Variants in PSTPIP2 observed in about 807,000 individuals in gnomAD.
PSTPIP2 encodes the protein proline-serine-threonine phosphatase-interacting protein 2.
PSTPIP2 carries 33 observed loss-of-function variants against 63.3 expected under a neutral mutation model. The observed-to-expected ratio is 0.52, with a 90% CI of 0.40 to 0.70. The LOEUF is 0.70. PSTPIP2 is among the 30% of genes least tolerant of loss of function. The pLI is 0.00. For synonymous variants in PSTPIP2, 125 were observed against 132.7 expected (o/e 0.94, Z 0.40); for missense variants, 312 against 400.7 (o/e 0.78, Z 1.89).
At position 46,014,031 on chromosome 18, in the gene PSTPIP2, C is replaced by CTT. The variant is rs61657655; in HGVS notation, c.247+1870_247+1871dup. 8.8e-5 allele frequency among the ~76,000 whole-genome samples: 13 copies of CTT among 147,110 alleles called. No homozygotes were observed. The East Asian group carries it at 2.0e-3, about 23-fold the overall frequency. On this transcript the variant is annotated intron_variant, in intron 4 of 14. Coordinates refer to ENST00000409746, the MANE Select transcript of PSTPIP2 (RefSeq NM_024430.4). ...TGAAGGAGAGGAGTAAAGAAGGGAT[C>CTT]TTTTTTTTTTTTAAACAGTCTTACT...
intron 4 of PSTPIP2, among the ~76,000 whole-genome samples, chr18:46,013,566 A>T (rs2051823117): frequency 6.6e-6 from 1 of 151,818 alleles, no homozygotes; most frequent in Admixed American, 6.6e-5. Context: ...GCTTGTCATC[A>T]CATTAGAATA....
chr18:45,993,996 A>C (rs1056912615), intron 9 of PSTPIP2: 8 of 374,232 alleles, frequency 2.1e-5, no homozygotes, highest in Non-Finnish European at 4.1e-5. Flanking sequence ...ATTTCCAACT[A>C]TCTAACATCA....
At chr18:46,065,377 C>T (rs796195309) in intron 1 of PSTPIP2, among the ~76,000 whole-genome samples, 4 of 151,854 alleles carry the variant, frequency 2.6e-5, no homozygotes, top group East Asian at 2.0e-4. Flanking sequence ...CTGCAAACTC[C>T]GCCTCCTGGG....
chr18:46,040,222 T>C (rs562989163), intron 1 of PSTPIP2, 175 bp from the exon 2 acceptor site: 37 of 483,286 alleles, frequency 7.7e-5, no homozygotes, highest in African/African-American at 7.1e-4. Context: ...ACCCTGGAGA[T>C]GAAAGAACAT....
chr18:46,067,387 C>T (rs1365866623), intron 1 of PSTPIP2, among the ~76,000 whole-genome samples: 1 of 151,540 alleles, frequency 6.6e-6, no homozygotes, highest in Non-Finnish European at 1.5e-5. Flanking sequence ...CCTGTAGTCC[C>T]AGCTACTCAG....
chr18:45,985,615 C>T (rs555309186), intron 14 of PSTPIP2, among the ~76,000 whole-genome samples, 165 bp from the exon 15 acceptor site: 1 of 152,244 alleles, frequency 6.6e-6, no homozygotes, highest in East Asian at 1.9e-4. Flanking sequence ...ACGATAACAG[C>T]ATTGCTTTAT....
At position 46,033,930 on chromosome 18, in the gene PSTPIP2, A is replaced by G. The variant is rs1020595842; in HGVS notation, c.134+6017T>C. On this transcript the variant is annotated intron_variant, in intron 2 of 14. Coordinates refer to ENST00000409746, the MANE Select transcript of PSTPIP2 (RefSeq NM_024430.4). ...CTGGCCTATGGACTTGTGAGAGAAT[A>G]AATTCTGTTATTTAAAGCCATTCAG... 3.9e-5 allele frequency among the ~76,000 whole-genome samples: 6 copies of G among 152,170 alleles called. No individual in the cohort carries two copies. In the East Asian group the frequency reaches 1.2e-3, roughly 29 times the overall value.
At chr18:46,028,163 A>G in intron 2 of PSTPIP2, 1 of 327,790 alleles carries the variant, frequency 3.1e-6, no homozygotes, top group Non-Finnish European at 6.1e-6. Flanking sequence ...AGTGTCTCAA[A>G]AAGAAAAGAG....
chr18:46,003,648 A>G (rs1194756844), intron 6 of PSTPIP2, among the ~76,000 whole-genome samples: 1 of 151,388 alleles, frequency 6.6e-6, no homozygotes, highest in Admixed American at 6.6e-5. Context: ...TTTGGCACTC[A>G]GTCTGTGATA....
intron 14 of PSTPIP2, among the ~76,000 whole-genome samples, chr18:45,987,731 G>T (rs1468944704): frequency 2.0e-5 from 3 of 151,984 alleles, no homozygotes; most frequent in Non-Finnish European, 4.4e-5. Context: ...TTTATGAAGA[G>T]TTTTTTTTAG....
At chr18:45,992,494 G>A (rs2051546987) in intron 10 of PSTPIP2, among the ~76,000 whole-genome samples, 1 of 151,474 alleles carries the variant, frequency 6.6e-6, no homozygotes. Context: ...CCCAGGAGGT[G>A]GAGATTGCAG....
At chr18:46,027,580 C>G (rs1027912750) in intron 2 of PSTPIP2, among the ~76,000 whole-genome samples, 1 of 151,930 alleles carries the variant, frequency 6.6e-6, no homozygotes, top group Non-Finnish European at 1.5e-5. Flanking sequence ...GTCCCTGCTA[C>G]TCAGGAGGCG....
At chr18:45,991,851 CAAT>C in intron 12 of PSTPIP2, 48 bp downstream of exon 12, 1 of 1,475,498 alleles carries the variant, frequency 6.8e-7, no homozygotes, top group Non-Finnish European at 9.4e-7. Context: ...TTCATGATAA[CAAT>C]GTTTGTTAAA....
chr18:46,006,356 GGTA>G (rs2051725229), intron 5 of PSTPIP2, among the ~76,000 whole-genome samples: 4 of 77,424 alleles, frequency 5.2e-5, no homozygotes, highest in African/African-American at 2.0e-4. Flanking sequence ...GCCCAGCCCT[GGTA>G]CTTTTTTTTT....
chr18:46,059,464 G>C (rs746784115), intron 1 of PSTPIP2, among the ~76,000 whole-genome samples: 1 of 152,036 alleles, frequency 6.6e-6, no homozygotes, highest in Non-Finnish European at 1.5e-5. Flanking sequence ...GGCCAGGCTG[G>C]TCTGGAACTC....
intron 1 of PSTPIP2, among the ~76,000 whole-genome samples, chr18:46,057,606 A>G (rs1033747487): frequency 6.6e-6 from 1 of 152,116 alleles, no homozygotes; most frequent in African/African-American, 2.4e-5. Context: ...CTGGGATTAC[A>G]GGCGTGCCCC....
intron 13 of PSTPIP2, 59 bp downstream of exon 13, chr18:45,990,663 C>T: frequency 2.1e-6 from 3 of 1,454,706 alleles, no homozygotes; most frequent in Non-Finnish European, 2.9e-6. Context: ...CTCCTGACCT[C>T]AAGTGATCTG....
At chr18:46,030,362 A>G (rs78851876) in intron 2 of PSTPIP2, among the ~76,000 whole-genome samples, 1 of 148,660 alleles carries the variant, frequency 6.7e-6, no homozygotes, top group Non-Finnish European at 1.5e-5. Context: ...CTTTTGTTTG[A>G]AAAAAAAAAG....
At chr18:45,993,838 C>T (rs917516149) in intron 9 of PSTPIP2, 135 bp from the exon 10 acceptor site, 1 of 719,526 alleles carries the variant, frequency 1.4e-6, no homozygotes, top group Non-Finnish European at 2.4e-6. Flanking sequence ...GCTTCTCCCC[C>T]ACCACTGAGG....
Sources: gnomAD v4.1 joint callset for allele counts (sites outside exome capture counted in the v4.1 genomes callset) on GRCh38, gnomAD v4.1.1 for gene constraint, MANE v1.5 for transcripts, NCBI Gene and HGNC (gene_info 2026-07-23, HGNC 2026-07-21) for gene names.